LOXHD1: variants seen among roughly 807,000 people sequenced by gnomAD.
LOXHD1 encodes lipoxygenase homology PLAT domains 1, also known as lipoxygenase homology domain-containing protein 1.
Under a neutral mutation model 248.2 loss-of-function variants are expected in LOXHD1, and 205 were observed. The observed-to-expected ratio is 0.83, with a 90% CI of 0.74 to 0.93. The LOEUF is 0.93. LOXHD1 is among the 40% of genes least tolerant of loss of function. The probability of loss-of-function intolerance (pLI) is 0.00; values close to 1 mark genes in which losing one functional copy is unlikely to be tolerated. For missense variants in LOXHD1, 2,930 were observed against 2,971.6 expected (o/e 0.99, Z 0.33); for synonymous variants, 1,113 against 1,162.8 (o/e 0.96, Z 0.87).
At chr18:46,571,918 G>A (rs1174230079) in intron 15 of LOXHD1, among the ~76,000 whole-genome samples, 168 bp downstream of exon 15, 1 of 152,214 alleles carries the variant, frequency 6.6e-6, no homozygotes, top group Non-Finnish European at 1.5e-5. Context: ...GTGTGCAGGA[G>A]CACAGGCAGG....
chr18:46,628,331 T>C (rs1362445602), intron 4 of LOXHD1, among the ~76,000 whole-genome samples: 1 of 152,160 alleles, frequency 6.6e-6, no homozygotes, highest in East Asian at 1.9e-4. Context: ...GGAGCTGCTG[T>C]GAGCTTCAGT....
At chr18:46,594,275 T>C in intron 9 of LOXHD1, 56 bp downstream of exon 9, 2 of 1,546,862 alleles carry the variant, frequency 1.3e-6, no homozygotes, top group Non-Finnish European at 1.7e-6. Context: ...TCTGACATTC[T>C]GGCCTCTGCT....
intron 19 of LOXHD1, 44 bp downstream of exon 19, chr18:46,560,039 T>TCTGGGCCCTGC: frequency 6.9e-7 from 1 of 1,439,970 alleles, no homozygotes; most frequent in Non-Finnish European, 9.4e-7. Flanking sequence ...AGGGGAACTG[T>TCTGGGCCCTGC]CTGGCCACTC....
In LOXHD1 at chr18:46,601,377, C is replaced by T. The variant is rs1382238381; in HGVS notation, c.974G>A (p.Gly325Glu). 10 of 1,551,726 alleles carry T rather than the reference C, an allele frequency of 6.4e-6. No individual in the cohort carries two copies. In the Admixed American group the frequency reaches 7.8e-5, roughly 12 times the overall value. ...KIYLVMYGARGNKNSGKIFLE... is the reference protein window; with the variant it reads ...KIYLVMYGARENKNSGKIFLE... ...GAAGATTTTCCCACTGTTCTTATTC[C>T]CTCTGGCCCCATACATGACCAAGTA... is the stretch of plus-strand genomic sequence containing the variant. Residue 325 changes from glycine (G) to glutamate (E), a missense_variant, in exon 8 of 41, where the codon GGG (glycine) becomes GAG (glutamate). Gly to Glu is a moderately conservative substitution (Grantham distance 98). Coordinates refer to ENST00000642948, the MANE Select transcript of LOXHD1 (RefSeq NM_001384474.1).
chr18:46,542,395 A>AC (rs1325933866), intron 24 of LOXHD1, among the ~76,000 whole-genome samples: 6 of 151,958 alleles, frequency 3.9e-5, no homozygotes, highest in African/African-American at 9.7e-5. Flanking sequence ...TGAGTTAATA[A>AC]CCCCCCAGGT....
chr18:46,480,539 T>C (rs1056611737), intron 40 of LOXHD1, among the ~76,000 whole-genome samples: 1 of 151,734 alleles, frequency 6.6e-6, no homozygotes, highest in Non-Finnish European at 1.5e-5. Flanking sequence ...TAAGGAAATG[T>C]TTTCTGATAG....
Position 46,477,401 on chromosome 18 carries a change from C to A in LOXHD1, c.*71G>T. ...CAATGCTAGAGGCTTTGAAGGGCTG[C>A]TGACCGCCAAGGTGGAGGGCAGAAA... On this transcript the variant is annotated 3_prime_UTR_variant, in exon 41 of 41. Transcript: ENST00000642948. The A allele has an allele frequency of 1.3e-6, 2 of 1,524,586 alleles. No individual in the cohort carries two copies. The highest frequency in any genetic ancestry group is 1.4e-5 in the African/African-American group (1 of 72,648). 94.4% of individuals were successfully genotyped at this position (1,524,586 alleles called of 1,614,324 possible).
intron 1 of LOXHD1, among the ~76,000 whole-genome samples, chr18:46,650,179 C>A (rs902606271): frequency 1.3e-5 from 2 of 152,160 alleles, no homozygotes; most frequent in African/African-American, 4.8e-5. Context: ...CAAAATAATT[C>A]CTTGTCCCCA....
chr18:46,547,208 C>T (rs1183021839), intron 21 of LOXHD1, 150 bp from the exon 22 acceptor site: 2 of 889,364 alleles, frequency 2.2e-6, no homozygotes, highest in Non-Finnish European at 3.5e-6. Flanking sequence ...TCTACCCAGC[C>T]TGGGAATCAC....
chr18:46,565,320 T>C (rs181079398), intron 17 of LOXHD1, among the ~76,000 whole-genome samples: 124 of 152,174 alleles, frequency 8.1e-4, no homozygotes, highest in East Asian at 3.7e-3. Flanking sequence ...GGTCCCACTG[T>C]CTTCCTCCTC....
At chr18:46,608,103 C>T (rs1365274109) in intron 6 of LOXHD1, among the ~76,000 whole-genome samples, 2 of 98,842 alleles carry the variant, frequency 2.0e-5, no homozygotes, top group Non-Finnish European at 4.6e-5. Flanking sequence ...GGCGGGCAGG[C>T]AAAGACCCTA....
chr18:46,644,780 C>A (rs965546668), intron 2 of LOXHD1, among the ~76,000 whole-genome samples: 2 of 151,930 alleles, frequency 1.3e-5, no homozygotes, highest in South Asian at 4.2e-4. Context: ...CCAGGCTGAA[C>A]GTGAATACAT....
intron 37 of LOXHD1, among the ~76,000 whole-genome samples, chr18:46,501,345 G>A (rs2034218599): frequency 6.6e-6 from 1 of 152,058 alleles, no homozygotes; most frequent in Non-Finnish European, 1.5e-5. Flanking sequence ...TCCTTTTCAT[G>A]GTCTATTTAG....
At chr18:46,554,417 G>T (rs771281217) in intron 21 of LOXHD1, among the ~76,000 whole-genome samples, 6 of 152,174 alleles carry the variant, frequency 3.9e-5, no homozygotes, top group Non-Finnish European at 8.8e-5. Context: ...AAGGCCCTAG[G>T]TATTGACAGA....
At chr18:46,653,450 T>C (rs2039138498) in intron 1 of LOXHD1, among the ~76,000 whole-genome samples, 1 of 152,244 alleles carries the variant, frequency 6.6e-6, no homozygotes, top group Non-Finnish European at 1.5e-5. Flanking sequence ...TGCTCAAGTT[T>C]AAAATTTTAA....
chr18:46,527,912 G>A (rs1342565371), intron 29 of LOXHD1, among the ~76,000 whole-genome samples: 2 of 152,174 alleles, frequency 1.3e-5, no homozygotes, highest in African/African-American at 4.8e-5. Context: ...TTTCTATCTG[G>A]TTGGTGAAGC....
In LOXHD1 at chr18:46,546,956, G is replaced by A. The variant is rs551949683; in HGVS notation, c.3453C>T (p.Ser1151=). The change falls in exon 22 of 41, where the codon AGC becomes AGT. Residue 1151 remains serine, a synonymous_variant. Coordinates refer to ENST00000642948, the MANE Select transcript of LOXHD1 (RefSeq NM_001384474.1). ...PVDESYVLPQ[S]EEGRGGGDNN... is the part of the protein sequence containing the mutation. Reference sequence around the variant, plus strand: ...TGTCACCGCCTCCCCTACCCTCCTCGCTCTGTGGCAGCACATAGGACTCAT... The same window carrying A: ...TGTCACCGCCTCCCCTACCCTCCTCACTCTGTGGCAGCACATAGGACTCAT... 142 of 1,551,682 alleles carry A rather than the reference G, an allele frequency of 9.2e-5. 1 individual carries two copies. In the Middle Eastern group the frequency reaches 1.2e-3, roughly 13 times the overall value.
At chr18:46,531,147 G>A (rs1260066037) in intron 28 of LOXHD1, among the ~76,000 whole-genome samples, 4 of 151,938 alleles carry the variant, frequency 2.6e-5, no homozygotes, top group African/African-American at 9.7e-5. Flanking sequence ...CAAAGCTCCT[G>A]AGTGCATTGT....
chr18:46,575,391 T>C (rs2037834580), intron 14 of LOXHD1, among the ~76,000 whole-genome samples: 1 of 151,160 alleles, frequency 6.6e-6, no homozygotes, highest in Non-Finnish European at 1.5e-5. Context: ...CCCCACCCCA[T>C]TCATACATTT....
Sources: gnomAD v4.1 joint callset for allele counts (sites outside exome capture counted in the v4.1 genomes callset) on GRCh38, gnomAD v4.1.1 for gene constraint, MANE v1.5 for transcripts, NCBI Gene and HGNC (gene_info 2026-07-23, HGNC 2026-07-21) for gene names.